Variants in VAV3 observed in about 807,000 individuals in gnomAD.
The protein encoded by VAV3 is guanine nucleotide exchange factor VAV3.
VAV3 carries 94 observed loss-of-function variants against 131.2 expected under a neutral mutation model. The observed-to-expected ratio is 0.72, with a 90% CI of 0.61 to 0.85. VAV3 has a LOEUF of 0.85. VAV3 is among the 40% of genes least tolerant of loss of function. The probability of loss-of-function intolerance (pLI) is 0.00; values close to 1 mark genes in which losing one functional copy is unlikely to be tolerated. For synonymous variants in VAV3, 349 were observed against 342.0 expected (o/e 1.02, Z -0.22); for missense variants, 939 against 1,002.7 (o/e 0.94, Z 0.86).
chr1:107,617,814 G>A (rs1294593798), intron 20 of VAV3, among the ~76,000 whole-genome samples, 182 bp from the exon 21 acceptor site: 1 of 152,134 alleles, frequency 6.6e-6, no homozygotes, highest in Non-Finnish European at 1.5e-5. Context: ...AGTTTTCTTG[G>A]TTGTTCAACT....
intron 2 of VAV3, among the ~76,000 whole-genome samples, chr1:107,781,517 A>C (rs1665687846): frequency 6.6e-6 from 1 of 152,146 alleles, no homozygotes; most frequent in Non-Finnish European, 1.5e-5. Context: ...AATACATATA[A>C]TTTTTATTTG....
intron 24 of VAV3, among the ~76,000 whole-genome samples, chr1:107,602,179 C>T (rs777778140): frequency 5.3e-5 from 8 of 152,018 alleles, no homozygotes; most frequent in Non-Finnish European, 1.2e-4. Context: ...TCTATCTAAA[C>T]CTGCAAACAA....
chr1:107,599,143 C>T (rs1385637684), intron 24 of VAV3, among the ~76,000 whole-genome samples: 3 of 152,126 alleles, frequency 2.0e-5, no homozygotes, highest in East Asian at 1.9e-4. Flanking sequence ...TAGGGTCATG[C>T]GGCTTACTTA....
At chr1:107,780,216 C>T (rs930436598) in intron 2 of VAV3, among the ~76,000 whole-genome samples, 4 of 152,082 alleles carry the variant, frequency 2.6e-5, no homozygotes, top group Non-Finnish European at 5.9e-5. Context: ...ATTACATTAT[C>T]GTGAGGATTA....
chr1:107,940,824 G>C (rs558519746), intron 1 of VAV3, among the ~76,000 whole-genome samples: 1 of 152,210 alleles, frequency 6.6e-6, no homozygotes, highest in Non-Finnish European at 1.5e-5. Context: ...GGGGCTTCAG[G>C]GGGAGTTGTT....
chr1:107,856,180 C>G (rs1184232079), intron 2 of VAV3, among the ~76,000 whole-genome samples: 3 of 152,206 alleles, frequency 2.0e-5, no homozygotes, highest in African/African-American at 7.2e-5. Context: ...GACATGAAAT[C>G]TGGGATTCCC....
intron 22 of VAV3, among the ~76,000 whole-genome samples, chr1:107,605,544 C>T (rs766283974): frequency 2.6e-5 from 4 of 152,160 alleles, no homozygotes; most frequent in Admixed American, 6.5e-5. Context: ...TATAAGTTAA[C>T]CAATCTCTGT....
In VAV3 at chr1:107,757,297, C is replaced by T; in HGVS notation, c.1050G>A (p.Glu350=). Residue 350 remains glutamate (E), a synonymous_variant, in exon 11 of 27, where the codon GAG becomes GAA. Coordinates refer to ENST00000370056, the MANE Select transcript of VAV3 (RefSeq NM_006113.5). ...CAAGAGCCAGTTTCAGATTTGCCTT[C>T]TCAGTCGGATCAGTGGTATGTTTGA... ...ELVKHTTDPT[E]KANLKLALDA... 6.2e-7 allele frequency: 1 copy of T among 1,613,506 alleles called. No homozygotes were observed. The highest frequency in any genetic ancestry group is 8.5e-7 in the Non-Finnish European group (1 of 1,179,814).
chr1:107,873,625 G>C (rs1321349144), intron 2 of VAV3, among the ~76,000 whole-genome samples: 2 of 152,120 alleles, frequency 1.3e-5, no homozygotes, highest in Non-Finnish European at 2.9e-5. Context: ...TTCCTTACTA[G>C]GGGCTTGGCT....
intron 1 of VAV3, among the ~76,000 whole-genome samples, chr1:107,930,292 TA>T (rs1299254014): frequency 4.6e-5 from 7 of 152,156 alleles, no homozygotes; most frequent in Admixed American, 2.6e-4. Context: ...ATGTAATCCA[TA>T]AATATGTATA....
At chr1:107,589,245 C>T (rs1650750377) in intron 25 of VAV3, among the ~76,000 whole-genome samples, 1 of 152,166 alleles carries the variant, frequency 6.6e-6, no homozygotes, top group African/African-American at 2.4e-5. Context: ...GTGAATGTGA[C>T]TTTATTTGAA....
chr1:107,573,217 G>C lies in VAV3; in HGVS notation c.*114C>G, dbSNP rs989420542. On this transcript the variant is annotated 3_prime_UTR_variant, in exon 27 of 27. Transcript: ENST00000370056. The stretch of plus-strand genomic sequence containing the variant: ...GGAGGGGCTAAGGAGGGAGGATGTT[G>C]AACAGCCAGAAATGCAGCTTTTTAA... 8.3e-7 allele frequency: 1 copy of C among 1,209,094 alleles called. No individual in the cohort carries two copies. The highest frequency in any genetic ancestry group is 1.2e-6 in the Non-Finnish European group (1 of 853,980). The allele number at this position is 1,209,094 out of a possible 1,614,324, so 74.9% of individuals were successfully genotyped here.
chr1:107,853,854 C>A (rs1669344058), intron 2 of VAV3, among the ~76,000 whole-genome samples: 1 of 152,168 alleles, frequency 6.6e-6, no homozygotes, highest in South Asian at 2.1e-4. Context: ...AAAGAATATT[C>A]CACAGACAAC....
At chr1:107,935,403 G>GAGC (rs1039778951) in intron 1 of VAV3, among the ~76,000 whole-genome samples, 4 of 152,232 alleles carry the variant, frequency 2.6e-5, no homozygotes, top group Middle Eastern at 3.4e-3. Flanking sequence ...AGGAAGAAAG[G>GAGC]AGCAGCAGCA....
intron 2 of VAV3, among the ~76,000 whole-genome samples, chr1:107,840,813 T>G (rs146453029): frequency 6.6e-6 from 1 of 151,946 alleles, no homozygotes; most frequent in East Asian, 1.9e-4. Flanking sequence ...GACCAAGATA[T>G]AAGTACAGCA....
chr1:107,798,480 A>G (rs975121282), intron 2 of VAV3, among the ~76,000 whole-genome samples: 4 of 151,992 alleles, frequency 2.6e-5, no homozygotes, highest in African/African-American at 9.7e-5. Context: ...GCACTTTGGG[A>G]GGCTGAGGTG....
chr1:107,946,976 A>C (rs1342669115), intron 1 of VAV3, among the ~76,000 whole-genome samples: 4 of 152,242 alleles, frequency 2.6e-5, no homozygotes, highest in African/African-American at 9.6e-5. Context: ...AGCAGCCTAC[A>C]GCACAGACAG....
At chr1:107,800,237 T>C (rs1486052295) in intron 2 of VAV3, among the ~76,000 whole-genome samples, 1 of 152,130 alleles carries the variant, frequency 6.6e-6, no homozygotes, top group Non-Finnish European at 1.5e-5. Context: ...GGTTATATAA[T>C]AATTCAATAT....
chr1:107,596,885 A>G (rs1651438401), intron 24 of VAV3, among the ~76,000 whole-genome samples: 1 of 152,258 alleles, frequency 6.6e-6, no homozygotes, highest in African/African-American at 2.4e-5. Flanking sequence ...ATAGCTCCGC[A>G]TATCTGCTAC....
Sources: gnomAD v4.1 joint callset for allele counts (sites outside exome capture counted in the v4.1 genomes callset) on GRCh38, gnomAD v4.1.1 for gene constraint, MANE v1.5 for transcripts, NCBI Gene and HGNC (gene_info 2026-07-23, HGNC 2026-07-21) for gene names.